Variants in CPSF6 observed in about 807,000 individuals in gnomAD.
CPSF6 encodes the protein cleavage and polyadenylation specificity factor subunit 6.
Under a neutral mutation model 56.7 loss-of-function variants are expected in CPSF6, and 10 were observed. The ratio of observed to expected loss-of-function variants is 0.18; its 90% confidence interval spans 0.11 to 0.30. The LOEUF is 0.30. Among genes scored for constraint, CPSF6 ranks in the 10% least tolerant of loss-of-function variants. CPSF6 has a pLI of 1.00. For synonymous variants in CPSF6, 248 were observed against 244.8 expected (o/e 1.01, Z -0.12); for missense variants, 419 against 722.9 (o/e 0.58, Z 4.82).
intron 3 of CPSF6, chr12:69,255,233 G>C (rs1240186469): frequency 6.6e-6 from 1 of 152,192 alleles, no homozygotes; most frequent in African/African-American, 2.4e-5. Flanking sequence ...TTTTATGGCT[G>C]AGTAATATTC....
intron 2 of CPSF6, 52 bp from the exon 3 acceptor site, chr12:69,252,999 T>C: frequency 9.4e-7 from 1 of 1,058,686 alleles, no homozygotes; most frequent in Non-Finnish European, 1.4e-6. Context: ...ACTGGGATAA[T>C]AAAAATCTTG....
chr12:69,258,290 G>A lies in CPSF6; in HGVS notation c.695-300G>A. 1.6e-6 allele frequency: 1 copy of A among 609,060 alleles called. No individual in the cohort carries two copies. The highest frequency in any genetic ancestry group is 2.3e-5 in the South Asian group (1 of 43,634). 37.7% of individuals were successfully genotyped at this position (609,060 alleles called of 1,614,324 possible). On this transcript the variant is annotated intron_variant, in intron 5 of 9. Transcript: ENST00000435070. The surrounding 1 kb of genome is among the most constrained non-coding windows in gnomAD (Gnocchi z 4.2). ...GGCATCAGAGTAGAATATAAGGTGG[G>A]TGATTTCACTGTAAGAAGTGTGTGT...
chr12:69,246,493 TG>T (rs1178928335), intron 1 of CPSF6, among the ~76,000 whole-genome samples: 1 of 152,194 alleles, frequency 6.6e-6, no homozygotes, highest in Non-Finnish European at 1.5e-5. Flanking sequence ...ATGGTTTATG[TG>T]GCATATTTTT....
rs1462624473 is a variant in CPSF6 at position 69,270,433 on chromosome 12, G to A, written c.*925G>A. The A allele has an allele frequency of 1.3e-5, 2 of 151,974 alleles. No homozygotes were observed. The highest frequency in any genetic ancestry group is 2.1e-4 in the South Asian group (1 of 4,834). The allele number at this position is 151,974 out of a possible 1,614,324, so 9.4% of individuals were successfully genotyped here. On this transcript the variant is annotated 3_prime_UTR_variant, in exon 10 of 10. Transcript: ENST00000435070. ...ACATTGAAGAAATTTTGACAATTCC[G>A]ATTTGATGCTGCAATTACTTGCTGT...
rs181334570 is a variant in CPSF6 at position 69,257,568 on chromosome 12, A to G, written c.521-164A>G. ...TTTGAGTCTTTAAAAGTACCCAAAT[A>G]GATGTGAATGTTTTCCTAAACCATA... On this transcript the variant is annotated intron_variant, in intron 4 of 9. Coordinates refer to ENST00000435070, the MANE Select transcript of CPSF6 (RefSeq NM_007007.3). Among the ~76,000 whole-genome samples the G allele has an allele frequency of 9.0e-4, 137 of 152,362 alleles. 2 individuals are homozygous for G. The Middle Eastern group carries it at 0.014, about 15-fold the overall frequency.
chr12:69,249,309 C>T (rs1032402303), intron 1 of CPSF6, among the ~76,000 whole-genome samples: 1 of 151,856 alleles, frequency 6.6e-6, no homozygotes, highest in Non-Finnish European at 1.5e-5. Flanking sequence ...TAAAAAAATA[C>T]AAAATAAATA....
Position 69,262,458 on chromosome 12 carries a change from G to A in CPSF6, c.1555G>A (p.Asp519Asn), listed in dbSNP as rs1298036161. 1 of 1,613,926 alleles carries A rather than the reference G, an allele frequency of 6.2e-7. No homozygotes were observed. The highest frequency in any genetic ancestry group is 8.5e-7 in the Non-Finnish European group (1 of 1,179,956). The change falls in exon 9 of 10, where the codon GAT becomes AAT. Residue 519 changes from aspartate (D) to asparagine (N), a missense_variant. Coordinates refer to ENST00000435070, the MANE Select transcript of CPSF6 (RefSeq NM_007007.3). Reference protein sequence around the residue: ...HKSRSRDRHDDYYRERSRERE... With the variant: ...HKSRSRDRHDNYYRERSRERE... ...ATCCCGTAGTAGAGACCGTCATGAC[G>A]ATTATTACAGAGAGAGAAGCAGAGA...
In CPSF6 at chr12:69,270,640, C is replaced by T. The variant is rs369191493; in HGVS notation, c.*1132C>T. 6.6e-6 allele frequency: 1 copy of T among 151,726 alleles called. No individual in the cohort carries two copies. The highest frequency in any genetic ancestry group is 2.4e-5 in the African/African-American group (1 of 41,502). The allele number at this position is 151,726 out of a possible 1,614,324, so 9.4% of individuals were successfully genotyped here. ...TTGTAATGGGAAATTACAGATAAACCGTGTCTGCACAGTTTAAGGAATACT... is the reference window on the plus strand; with the variant it reads ...TTGTAATGGGAAATTACAGATAAACTGTGTCTGCACAGTTTAAGGAATACT... On this transcript the variant is annotated 3_prime_UTR_variant, in exon 10 of 10. Transcript: ENST00000435070.
intron 6 of CPSF6, 40 bp from the exon 7 acceptor site, chr12:69,259,387 TC>T (rs1204344244): frequency 1.3e-6 from 2 of 1,591,918 alleles, no homozygotes; most frequent in Admixed American, 3.5e-5. Context: ...ACTGAGGAAA[TC>T]TGTTGAGTAT....
At chr12:69,245,353 T>C (rs569919932) in intron 1 of CPSF6, among the ~76,000 whole-genome samples, 1 of 152,336 alleles carries the variant, frequency 6.6e-6, no homozygotes, top group South Asian at 2.1e-4. Context: ...ACCAAAACAT[T>C]GTCATGCATG....
Position 69,256,780 on chromosome 12 carries a change from A to C in CPSF6, c.458A>C (p.Asn153Thr). The C allele has an allele frequency of 6.2e-7, 1 of 1,613,990 alleles. No individual in the cohort carries two copies. Among genetic ancestry groups the C allele is most frequent in the Non-Finnish European group, 8.5e-7 (1 of 1,179,928 alleles). The change falls in exon 4 of 10, where the codon AAT becomes ACT. Residue 153 changes from asparagine to threonine, a missense_variant. Transcript: ENST00000435070. ...LLPKRELHGQ[N>T]PVVTPCNKQF... ...CCTAAAAGAGAACTTCATGGTCAGA[A>C]TCCTGTTGTAACTCCATGCAATAAA... is the stretch of plus-strand genomic sequence containing the variant.
At position 69,258,384 on chromosome 12, in the gene CPSF6, TTTTC is replaced by T. The variant is rs1438454151; in HGVS notation, c.695-203_695-200del. 2.0e-5 allele frequency among the ~76,000 whole-genome samples: 3 copies of T among 152,220 alleles called. No individual in the cohort carries two copies. Among genetic ancestry groups the T allele is most frequent in the Non-Finnish European group, 2.9e-5 (2 of 68,034 alleles). On this transcript the variant is annotated intron_variant, in intron 5 of 9. Coordinates refer to ENST00000435070, the MANE Select transcript of CPSF6 (RefSeq NM_007007.3). The surrounding 1 kb of genome is among the most constrained non-coding windows in gnomAD (Gnocchi z 4.2). ...TTATTAAAGTTTTCGTTTCAATAAT[TTTTC>T]TTAAGCATAAATTGAGCTAGTTAAA...
chr12:69,265,467 T>TA (rs769966818), intron 9 of CPSF6, among the ~76,000 whole-genome samples: 1 of 152,196 alleles, frequency 6.6e-6, no homozygotes, highest in Admixed American at 6.6e-5. Context: ...TATGTTTTTT[T>TA]AAAATACTCT....
At chr12:69,252,635 G>A (rs935179248) in intron 2 of CPSF6, among the ~76,000 whole-genome samples, 1 of 152,040 alleles carries the variant, frequency 6.6e-6, no homozygotes, top group Non-Finnish European at 1.5e-5. Flanking sequence ...TAAAGTATAT[G>A]GTAGATATTA....
chr12:69,252,369 C>G (rs938974680), intron 2 of CPSF6, among the ~76,000 whole-genome samples: 1 of 152,206 alleles, frequency 6.6e-6, no homozygotes, highest in East Asian at 1.9e-4. Context: ...GGTGCCCAGC[C>G]TATTTACATT....
chr12:69,255,749 G>C (rs1434478170), intron 3 of CPSF6, among the ~76,000 whole-genome samples: 1 of 152,164 alleles, frequency 6.6e-6, no homozygotes, highest in Non-Finnish European at 1.5e-5. Context: ...ATGTTGGTCA[G>C]GCTGGTCTTG....
intron 1 of CPSF6, among the ~76,000 whole-genome samples, chr12:69,247,255 GAT>G (rs1190879808): frequency 6.6e-6 from 1 of 152,154 alleles, no homozygotes; most frequent in Middle Eastern, 3.2e-3. Context: ...CTTGGCAACA[GAT>G]ATTTGTATAT....
Position 69,273,243 on chromosome 12 carries a change from C to T in CPSF6, c.*3735C>T, listed in dbSNP as rs1226596096. 2.1e-6 allele frequency: 1 copy of T among 467,020 alleles called. No individual in the cohort carries two copies. 28.9% of individuals were successfully genotyped at this position (467,020 alleles called of 1,614,324 possible). ...TTCTAAATATTCAGGCAACACTGTTCAGATTGATTTAGGTTTGTCTTAACC... is the reference window on the plus strand; with the variant it reads ...TTCTAAATATTCAGGCAACACTGTTTAGATTGATTTAGGTTTGTCTTAACC... On this transcript the variant is annotated 3_prime_UTR_variant, in exon 10 of 10. Transcript: ENST00000435070.
At chr12:69,240,801 A>C (rs1260879366) in intron 1 of CPSF6, among the ~76,000 whole-genome samples, 1 of 151,168 alleles carries the variant, frequency 6.6e-6, no homozygotes. Context: ...ATGTCTGTTA[A>C]TGGGCATCCT....
Sources: gnomAD v4.1 joint callset for allele counts (sites outside exome capture counted in the v4.1 genomes callset) on GRCh38, gnomAD v4.1.1 for gene constraint, Gnocchi (gnomAD v3.1) non-coding constraint, MANE v1.5 for transcripts, NCBI Gene and HGNC (gene_info 2026-07-23, HGNC 2026-07-21) for gene names.